PGM3: variants seen among roughly 807,000 people sequenced by gnomAD.
The protein encoded by PGM3 is phosphoglucomutase 3.
In PGM3, 40 loss-of-function variants were observed where a neutral mutation model predicts 66.2. That is an observed-to-expected ratio of 0.60 (90% CI 0.47 to 0.79). The LOEUF is 0.79. PGM3 is among the 30% of genes least tolerant of loss of function. PGM3 has a pLI of 0.00. For missense variants in PGM3, 537 were observed against 643.4 expected, an observed-to-expected ratio of 0.83 and a Z score of 1.79; for synonymous variants, 191 against 224.2, an observed-to-expected ratio of 0.85 and a Z score of 1.32.
chr6:83,186,840 G>A (rs889229809), intron 4 of PGM3, among the ~76,000 whole-genome samples, 168 bp downstream of exon 4: 2 of 152,154 alleles, frequency 1.3e-5, no homozygotes, highest in African/African-American at 2.4e-5. Context: ...GCCCAGAAAC[G>A]ACCTGGAAGA....
Position 83,169,093 on chromosome 6 carries a change from T to A in PGM3, c.*141A>T. On this transcript the variant is annotated 3_prime_UTR_variant, in exon 13 of 13. Coordinates refer to ENST00000513973, the MANE Select transcript of PGM3 (RefSeq NM_015599.3). ...TATAAAGAATTATTCTGTTAGTGTT[T>A]AAGAAAAACAGATCTAGAGACAATC... 1 of 1,448,638 alleles carries A rather than the reference T, an allele frequency of 6.9e-7. No homozygotes were observed. The highest frequency in any genetic ancestry group is 9.0e-7 in the Non-Finnish European group (1 of 1,105,360). The allele number at this position is 1,448,638 out of a possible 1,614,324, so 89.7% of individuals were successfully genotyped here.
chr6:83,163,888 T>C (rs1562391049), downstream of PGM3, among the ~76,000 whole-genome samples: 1 of 151,956 alleles, frequency 6.6e-6, no homozygotes, highest in Non-Finnish European at 1.5e-5. Context: ...AAAATAAAAT[T>C]TGTAAAATAT....
Position 83,167,763 on chromosome 6 carries a change from C to T in PGM3, c.*1471G>A. 6.9e-7 allele frequency: 1 copy of T among 1,452,176 alleles called. No individual in the cohort carries two copies. Among genetic ancestry groups the T allele is most frequent in the Non-Finnish European group, 9.1e-7 (1 of 1,102,702 alleles). 90.0% of individuals were successfully genotyped at this position (1,452,176 alleles called of 1,614,324 possible). On this transcript the variant is annotated 3_prime_UTR_variant, in exon 13 of 13. Coordinates refer to ENST00000513973, the MANE Select transcript of PGM3 (RefSeq NM_015599.3). ...TTAGAAACTTAATGTCATTTGTATT[C>T]ATTTCTTGACCAATTGCCAAAGTTT... is the stretch of plus-strand genomic sequence containing the variant.
the PGM3 span, among the ~76,000 whole-genome samples, chr6:83,150,854 T>G: frequency 6.6e-6 from 1 of 152,192 alleles, no homozygotes; most frequent in African/African-American, 2.4e-5. Context: ...AAATAATTAG[T>G]ACACAACTCT....
intron 12 of PGM3, chr6:83,169,585 G>GA (rs1333119858): frequency 4.2e-6 from 2 of 481,388 alleles, no homozygotes; most frequent in African/African-American, 3.9e-5. Flanking sequence ...TTCCACAACT[G>GA]AAAAAATTCA....
chr6:83,155,618 G>T, the PGM3 span, among the ~76,000 whole-genome samples: 33 of 152,252 alleles, frequency 2.2e-4, no homozygotes, highest in Admixed American at 9.2e-4. Flanking sequence ...ACACCAGAAG[G>T]TATTTTTAAA....
intron 1 of PGM3, among the ~76,000 whole-genome samples, chr6:83,192,163 G>A (rs932383957): frequency 2.5e-4 from 38 of 150,158 alleles, no homozygotes; most frequent in African/African-American, 8.8e-4. Flanking sequence ...CTACTCAGGA[G>A]GCTGACGCAG....
chr6:83,165,574 A>C lies in PGM3; in HGVS notation c.*3660T>G. On this transcript the variant is annotated 3_prime_UTR_variant, in exon 13 of 13. Coordinates refer to ENST00000513973, the MANE Select transcript of PGM3 (RefSeq NM_015599.3). ...ATAAGTTTGTTTACTCCTGTAGCATAAAAATCCATGCTTCCAAATTTGACG... is the reference window on the plus strand; with the variant it reads ...ATAAGTTTGTTTACTCCTGTAGCATCAAAATCCATGCTTCCAAATTTGACG... 1 of 176,260 alleles carries C rather than the reference A, an allele frequency of 5.7e-6. No individual in the cohort carries two copies. Among genetic ancestry groups the C allele is most frequent in the Non-Finnish European group, 1.2e-5 (1 of 81,396 alleles). The allele number at this position is 176,260 out of a possible 1,614,324, so 10.9% of individuals were successfully genotyped here.
downstream of PGM3, among the ~76,000 whole-genome samples, chr6:83,160,199 C>G (rs1783908479): frequency 6.6e-6 from 1 of 152,196 alleles, no homozygotes; most frequent in South Asian, 2.1e-4. Context: ...GGGTACATAA[C>G]TCACATGCTT....
intron 1 of PGM3, among the ~76,000 whole-genome samples, chr6:83,192,366 G>A (rs1789192867): frequency 6.6e-6 from 1 of 152,204 alleles, no homozygotes; most frequent in African/African-American, 2.4e-5. Context: ...TCAGTCAGTA[G>A]TTTTCCTTCA....
At chr6:83,169,841 C>T (rs1562406839) in intron 12 of PGM3, 4 of 456,252 alleles carry the variant, frequency 8.8e-6, no homozygotes, top group Non-Finnish European at 1.8e-5. Flanking sequence ...AGTCTTGACC[C>T]CTGTCAGGGA....
rs1368050481 is a variant in PGM3, at chr6:83,166,995, CTCTTA to C, written c.*2234_*2238del. 7.1e-6 allele frequency: 7 copies of C among 985,840 alleles called. No individual in the cohort carries two copies. Among genetic ancestry groups the C allele is most frequent in the Non-Finnish European group, 8.4e-6 (7 of 830,254 alleles). 61.1% of individuals were successfully genotyped at this position (985,840 alleles called of 1,614,324 possible). On this transcript the variant is annotated 3_prime_UTR_variant, in exon 13 of 13. Transcript: ENST00000513973. Reference sequence around the variant, plus strand: ...TGCCCAAGTTCAACCAACCTGTTCTCTCTTATCTTTCTCTAGACAGAATGATGTCT... The same window carrying C: ...TGCCCAAGTTCAACCAACCTGTTCTCTCTTTCTCTAGACAGAATGATGTCT...
intron 2 of PGM3, 54 bp downstream of exon 2, chr6:83,190,755 A>T: frequency 7.3e-7 from 1 of 1,364,534 alleles, no homozygotes; most frequent in Non-Finnish European, 1.0e-6. Flanking sequence ...CTCAGACACT[A>T]AGGCTTGGTC....
At position 83,175,046 on chromosome 6, in the gene PGM3, T is replaced by C. The variant is rs549878494; in HGVS notation, c.1129-559A>G. Among the ~76,000 whole-genome samples the C allele has an allele frequency of 9.2e-5, 14 of 152,336 alleles. No individual in the cohort carries two copies. The East Asian group carries it at 2.3e-3, about 25-fold the overall frequency. On this transcript the variant is annotated intron_variant, in intron 9 of 12. Coordinates refer to ENST00000513973, the MANE Select transcript of PGM3 (RefSeq NM_015599.3). ...GGAAATACTCATCTTTTTTACTGCC[T>C]TCTAGAGGCCTAATACTGAGCAAGA...
In PGM3 at chr6:83,166,673, T is replaced by C. The variant is rs948487532; in HGVS notation, c.*2561A>G. 2 of 1,269,664 alleles carry C rather than the reference T, an allele frequency of 1.6e-6. No individual in the cohort carries two copies. The highest frequency in any genetic ancestry group is 3.1e-5 in the African/African-American group (2 of 65,400). 78.6% of individuals were successfully genotyped at this position (1,269,664 alleles called of 1,614,324 possible). ...ACAATGCAAAAACCGCAATTACGTT[T>C]GCACCAACCTAATATTTTCCTTTTT... On this transcript the variant is annotated 3_prime_UTR_variant, in exon 13 of 13. Coordinates refer to ENST00000513973, the MANE Select transcript of PGM3 (RefSeq NM_015599.3).
intron 5 of PGM3, among the ~76,000 whole-genome samples, chr6:83,182,571 T>C (rs546183971): frequency 6.6e-6 from 1 of 152,222 alleles, no homozygotes; most frequent in Non-Finnish European, 1.5e-5. Context: ...TTCATCTGAA[T>C]GAATACTTAT....
chr6:83,190,501 T>C, intron 2 of PGM3: 1 of 352,510 alleles, frequency 2.8e-6, no homozygotes, highest in Non-Finnish European at 5.2e-6. Context: ...CACTGCTAAG[T>C]TAACAAAGGA....
Position 83,182,704 on chromosome 6 carries a change from C to T in PGM3, c.591+141G>A, listed in dbSNP as rs148163654. 1.2e-5 allele frequency: 9 copies of T among 735,776 alleles called. No homozygotes were observed. The East Asian group carries it at 2.3e-4, about 19-fold the overall frequency. 45.6% of individuals were successfully genotyped at this position (735,776 alleles called of 1,614,324 possible). On this transcript the variant is annotated intron_variant, in intron 5 of 12. Coordinates refer to ENST00000513973, the MANE Select transcript of PGM3 (RefSeq NM_015599.3). ...ATACATAGACCAGAACCTTGTGTAG[C>T]CCTAGAGAAAAACAAAAAAGGAGAT... is the stretch of plus-strand genomic sequence containing the variant.
downstream of PGM3, chr6:83,159,784 TC>T (rs779204203): frequency 6.2e-7 from 1 of 1,614,156 alleles, no homozygotes; most frequent in South Asian, 1.1e-5. Context: ...CAGCACTGTC[TC>T]CTGCTTACAG....
Sources: gnomAD v4.1 joint callset for allele counts (sites outside exome capture counted in the v4.1 genomes callset) on GRCh38, gnomAD v4.1.1 for gene constraint, MANE v1.5 for transcripts, NCBI Gene and HGNC (gene_info 2026-07-23, HGNC 2026-07-21) for gene names.